RAD54L2: variants seen among roughly 807,000 people sequenced by gnomAD.
The protein encoded by RAD54L2 is helicase ARIP4.
In RAD54L2, 27 loss-of-function variants were observed where a neutral mutation model predicts 138.4. The ratio of observed to expected loss-of-function variants is 0.20; its 90% CI spans 0.14 to 0.27. RAD54L2 has a LOEUF of 0.27. Among genes scored for constraint, RAD54L2 ranks in the 10% least tolerant of loss-of-function variants. The pLI, the probability that RAD54L2 is intolerant of heterozygous loss-of-function variation, is 1.00. For synonymous variants in RAD54L2, 644 were observed against 723.2 expected (o/e 0.89, Z 1.76); for missense variants, 1,396 against 1,890.2 (o/e 0.74, Z 4.85).
intron 2 of RAD54L2, among the ~76,000 whole-genome samples, chr3:51,573,610 T>C (rs905019002): frequency 1.3e-5 from 2 of 152,038 alleles, no homozygotes; most frequent in African/African-American, 4.8e-5. Context: ...TAGGTGGGAC[T>C]ATAGGTGCGC....
At position 51,607,175 on chromosome 3, in the gene RAD54L2, T is replaced by C. The variant is rs553467638; in HGVS notation, c.139+16616T>C. 2.4e-4 allele frequency among the ~76,000 whole-genome samples: 36 copies of C among 151,764 alleles called. No individual in the cohort carries two copies. In the East Asian group the frequency reaches 4.8e-3, roughly 20 times the overall value. On this transcript the variant is annotated intron_variant, in intron 3 of 22. Coordinates refer to ENST00000684192, the MANE Select transcript of RAD54L2 (RefSeq NM_015106.4). ...CGGAGAGGGGGATTTGGCAGGGTCA[T>C]AGGACAATAGTGGAGGGAGGGTCAG...
chr3:51,653,274 G>A (rs1361017655), intron 19 of RAD54L2, among the ~76,000 whole-genome samples: 1 of 152,158 alleles, frequency 6.6e-6, no homozygotes, highest in East Asian at 1.9e-4. Flanking sequence ...TAAAAAGTCA[G>A]GAAACAACAG....
chr3:51,623,005 C>G (rs1227904615), intron 3 of RAD54L2, among the ~76,000 whole-genome samples: 1 of 152,230 alleles, frequency 6.6e-6, no homozygotes, highest in African/African-American at 2.4e-5. Flanking sequence ...CTCTTGGGCA[C>G]TTTCCATATA....
Position 51,607,865 on chromosome 3 carries a change from T to G in RAD54L2, c.139+17306T>G, listed in dbSNP as rs1394545360. Among the ~76,000 whole-genome samples the G allele has an allele frequency of 4.6e-5, 5 of 108,148 alleles. No individual in the cohort carries two copies. The East Asian group carries it at 1.0e-3, about 23-fold the overall frequency. 70.9% of individuals were successfully genotyped at this position (108,148 alleles called of 152,430 possible). ...GCAGAGGCGCCCCCCACCTCCCAGA[T>G]GGGGCGGCGGCCGGGCGGGGGCTGC... On this transcript the variant is annotated intron_variant, in intron 3 of 22. Transcript: ENST00000684192.
chr3:51,599,207 T>G (rs1700030937), intron 3 of RAD54L2, among the ~76,000 whole-genome samples: 1 of 152,202 alleles, frequency 6.6e-6, no homozygotes, highest in African/African-American at 2.4e-5. Flanking sequence ...TCTGTGGTGA[T>G]GATTGTTGTT....
chr3:51,602,340 G>A (rs980455919), intron 3 of RAD54L2, among the ~76,000 whole-genome samples: 3 of 152,084 alleles, frequency 2.0e-5, no homozygotes, highest in Admixed American at 6.6e-5. Flanking sequence ...GAACTTAGTG[G>A]CACTTTGGTA....
intron 3 of RAD54L2, among the ~76,000 whole-genome samples, chr3:51,612,568 A>C (rs1051031953): frequency 1.3e-5 from 2 of 152,156 alleles, no homozygotes; most frequent in Non-Finnish European, 2.9e-5. Context: ...AGTGTTTTAC[A>C]TATTTGTAAG....
At chr3:51,649,330 G>T (rs988581841) in intron 19 of RAD54L2, among the ~76,000 whole-genome samples, 1 of 152,202 alleles carries the variant, frequency 6.6e-6, no homozygotes, top group Admixed American at 6.5e-5. Context: ...TTTGATTGGT[G>T]TACCTGAAAG....
intron 2 of RAD54L2, among the ~76,000 whole-genome samples, chr3:51,577,998 C>T (rs540478692): frequency 2.1e-4 from 32 of 152,158 alleles, no homozygotes; most frequent in Non-Finnish European, 3.8e-4. Flanking sequence ...TGTTACATAA[C>T]CACAGACCAA....
At chr3:51,554,789 A>G (rs1400484731) in intron 2 of RAD54L2, among the ~76,000 whole-genome samples, 2 of 152,150 alleles carry the variant, frequency 1.3e-5, no homozygotes, top group Admixed American at 6.6e-5. Context: ...CTACATAATA[A>G]GAACCTTGGT....
At chr3:51,542,318 A>G (rs532574368) in intron 2 of RAD54L2, among the ~76,000 whole-genome samples, 33 of 152,270 alleles carry the variant, frequency 2.2e-4, no homozygotes, top group African/African-American at 7.7e-4. Context: ...CTCTAATCTC[A>G]GTAGTATTAA....
chr3:51,580,000 C>A (rs1419809300), intron 2 of RAD54L2, among the ~76,000 whole-genome samples: 2 of 152,136 alleles, frequency 1.3e-5, no homozygotes, highest in Non-Finnish European at 2.9e-5. Context: ...TTTTCCGATT[C>A]TCTGGACACC....
At chr3:51,599,183 G>GT (rs1238444922) in intron 3 of RAD54L2, among the ~76,000 whole-genome samples, 1 of 152,174 alleles carries the variant, frequency 6.6e-6, no homozygotes, top group Admixed American at 6.5e-5. Flanking sequence ...CACACATTTG[G>GT]TCACTAGAAG....
At chr3:51,575,257 A>C (rs1371068667) in intron 2 of RAD54L2, among the ~76,000 whole-genome samples, 1 of 152,106 alleles carries the variant, frequency 6.6e-6, no homozygotes, top group Non-Finnish European at 1.5e-5. Context: ...GTAGCCTTGT[A>C]GTATAGTTTG....
chr3:51,654,393 A>G (rs937736304), intron 19 of RAD54L2, among the ~76,000 whole-genome samples: 1 of 152,188 alleles, frequency 6.6e-6, no homozygotes, highest in Non-Finnish European at 1.5e-5. Context: ...TTTTAAGTAG[A>G]AAGTCACTTT....
chr3:51,613,927 A>G (rs1175318143), intron 3 of RAD54L2, among the ~76,000 whole-genome samples: 1 of 152,180 alleles, frequency 6.6e-6, no homozygotes, highest in Non-Finnish European at 1.5e-5. Context: ...GGTTGTTACG[A>G]TCAGGATGCT....
chr3:51,581,114 A>G (rs993542891), intron 2 of RAD54L2, among the ~76,000 whole-genome samples: 4 of 152,030 alleles, frequency 2.6e-5, no homozygotes, highest in African/African-American at 9.7e-5. Flanking sequence ...GGTGGTTGTT[A>G]TTATTATTAA....
intron 3 of RAD54L2, among the ~76,000 whole-genome samples, chr3:51,603,044 G>A (rs530419457): frequency 6.0e-4 from 90 of 150,276 alleles, no homozygotes; most frequent in Non-Finnish European, 1.1e-3. Context: ...GCTTATGCCT[G>A]TAATCCGACC....
intron 20 of RAD54L2, among the ~76,000 whole-genome samples, chr3:51,656,976 A>G (rs1409840160): frequency 1.3e-5 from 2 of 152,152 alleles, no homozygotes; most frequent in African/African-American, 2.4e-5. Context: ...AGCTCAGGCA[A>G]TCCACCCGCC....
Sources: allele counts gnomAD v4.1 joint callset (sites outside exome capture counted in the v4.1 genomes callset), GRCh38; gene constraint gnomAD v4.1.1; transcripts MANE v1.5; gene names NCBI Gene and HGNC (gene_info 2026-07-23, HGNC 2026-07-21).